Variants in NECAB3 observed in about 807,000 individuals in gnomAD.
NECAB3 encodes N-terminal EF-hand calcium binding protein 3.
Under a neutral mutation model 57.2 loss-of-function variants are expected in NECAB3, and 38 were observed. That is an observed-to-expected ratio of 0.66 (90% CI 0.51 to 0.87). The LOEUF (loss-of-function observed/expected upper bound fraction) is 0.87, where lower values mean the gene tolerates loss of function less well. Ranked by LOEUF, NECAB3 falls within the 40% of genes least tolerant of loss-of-function variation. The pLI is 0.00. For missense variants in NECAB3, 474 were observed against 527.5 expected (o/e 0.90, Z 0.99); for synonymous variants, 223 against 222.6 (o/e 1.00, Z -0.02).
In NECAB3 at chr20:33,659,938, G is replaced by A; in HGVS notation, c.590C>T (p.Ala197Val). 1 of 1,551,700 alleles carries A rather than the reference G, an allele frequency of 6.4e-7. No individual in the cohort carries two copies. The highest frequency in any genetic ancestry group is 8.7e-7 in the Non-Finnish European group (1 of 1,150,106). Reference sequence around the variant, plus strand: ...GGATGACCGGCTGACACTCCTCAGGGCTCGGCGTCCTGCCCGCCGGCTGCC... The same window carrying A: ...GGATGACCGGCTGACACTCCTCAGGACTCGGCGTCCTGCCCGCCGGCTGCC... ...LCGSRRAGRR[A>V]LRSVSRSSTW... is the part of the protein sequence containing the mutation. The change falls in exon 7 of 12, where the codon GCC becomes GTC. Residue 197 changes from alanine (A) to valine (V), a missense_variant. Ala to Val is a moderately conservative substitution (Grantham distance 64). Coordinates refer to ENST00000246190, the MANE Select transcript of NECAB3 (RefSeq NM_031232.4).
chr20:33,672,425 AGAG>A lies in NECAB3; in HGVS notation c.130-6_130-4del. Reference sequence around the variant, plus strand: ...TTCTTGTCTGCTCTGCGGAAAACCTAGAGGACAAAGGGACATAGAGAGAACTGT... The same window carrying A: ...TTCTTGTCTGCTCTGCGGAAAACCTAGACAAAGGGACATAGAGAGAACTGT... On this transcript the variant is annotated splice_polypyrimidine_tract_variant and splice_region_variant and intron_variant, in intron 1 of 11. Coordinates refer to ENST00000246190, the MANE Select transcript of NECAB3 (RefSeq NM_031232.4). 5 of 1,614,142 alleles carry A rather than the reference AGAG, an allele frequency of 3.1e-6. No individual in the cohort carries two copies. Among genetic ancestry groups the A allele is most frequent in the Non-Finnish European group, 4.2e-6 (5 of 1,180,004 alleles).
At chr20:33,664,121 C>T in intron 5 of NECAB3, 1 of 451,034 alleles carries the variant, frequency 2.2e-6, no homozygotes, top group Non-Finnish European at 3.9e-6. Context: ...AGGCAGTTTC[C>T]TTCCCCCAAC....
chr20:33,672,268 A>T, intron 2 of NECAB3, 130 bp downstream of exon 2: 1 of 1,075,900 alleles, frequency 9.3e-7, no homozygotes, highest in Non-Finnish European at 1.4e-6. Flanking sequence ...GCCTTGATTG[A>T]TTCTCCTGTT....
At position 33,659,880 on chromosome 20, in the gene NECAB3, C is replaced by T. The variant is rs759833101; in HGVS notation, c.643+5G>A. 3.2e-6 allele frequency: 5 copies of T among 1,543,314 alleles called. No individual in the cohort carries two copies. Among genetic ancestry groups the T allele is most frequent in the African/African-American group, 1.4e-5 (1 of 73,156 alleles). ...GCCAGGCCTCCCACCCCACCCCAGG[C>T]GCACCTGTGTCAGAAGAGCCGGGGG... On this transcript the variant is annotated splice_donor_5th_base_variant and intron_variant, in intron 7 of 11. Transcript: ENST00000246190.
chr20:33,675,094 T>C (rs527608385), upstream of NECAB3, among the ~76,000 whole-genome samples: 75 of 151,850 alleles, frequency 4.9e-4, no homozygotes, highest in African/African-American at 1.8e-3. Flanking sequence ...CTGCTTTCTC[T>C]CCGGTCCTCT....
intron 1 of NECAB3, among the ~76,000 whole-genome samples, chr20:33,674,005 G>A (rs1439344313): frequency 1.3e-5 from 2 of 152,206 alleles, no homozygotes; most frequent in African/African-American, 2.4e-5. Context: ...GGGCTGAGGG[G>A]TGGGAGGCAG....
At chr20:33,663,235 G>A (rs1352630700) in intron 5 of NECAB3, 1 of 478,166 alleles carries the variant, frequency 2.1e-6, no homozygotes, top group Non-Finnish European at 3.7e-6. Flanking sequence ...CCTGACATAG[G>A]GCCTGGAAGG....
upstream of NECAB3, among the ~76,000 whole-genome samples, chr20:33,675,060 C>T (rs926718080): frequency 2.6e-5 from 4 of 151,950 alleles, no homozygotes; most frequent in Non-Finnish European, 5.9e-5. Context: ...CCACTCTGAC[C>T]CTCACCTCAG....
At chr20:33,667,308 C>T in intron 5 of NECAB3, 1 of 709,740 alleles carries the variant, frequency 1.4e-6, no homozygotes, top group Non-Finnish European at 2.0e-6. Flanking sequence ...GGGCGCACCC[C>T]ATCAAGCACG....
At chr20:33,670,149 C>T (rs2017798533) in intron 3 of NECAB3, 1 of 181,974 alleles carries the variant, frequency 5.5e-6, no homozygotes, top group Non-Finnish European at 1.1e-5. Flanking sequence ...GGAGTCTGGC[C>T]AGGAGGGGAG....
At chr20:33,674,147 C>A (rs1023978812) in intron 1 of NECAB3, 77 bp downstream of exon 1, 10 of 1,210,800 alleles carry the variant, frequency 8.3e-6, no homozygotes, top group South Asian at 8.0e-5. Flanking sequence ...AGCGGCGGGG[C>A]CCGAACAACC....
chr20:33,667,847 G>A (rs1353339304), intron 5 of NECAB3: 2 of 1,609,134 alleles, frequency 1.2e-6, no homozygotes, highest in East Asian at 2.2e-5. Flanking sequence ...GTCTGCCTCA[G>A]CAGTGAGCGC....
intron 8 of NECAB3, 84 bp downstream of exon 8, chr20:33,659,413 G>T: frequency 2.4e-6 from 3 of 1,257,320 alleles, no homozygotes; most frequent in Non-Finnish European, 3.2e-6. Context: ...CAGAGGGTTG[G>T]TGGGCAACCG....
chr20:33,672,716 T>C (rs2017854314), intron 1 of NECAB3, among the ~76,000 whole-genome samples: 1 of 152,040 alleles, frequency 6.6e-6, no homozygotes, highest in Non-Finnish European at 1.5e-5. Context: ...ACACCCAGAG[T>C]GCAGCCCAAG....
intron 1 of NECAB3, among the ~76,000 whole-genome samples, chr20:33,673,957 C>G (rs1219743861): frequency 6.6e-6 from 1 of 152,068 alleles, no homozygotes; most frequent in Non-Finnish European, 1.5e-5. Flanking sequence ...CTGTGATTGT[C>G]GCCAGCCCCC....
chr20:33,668,083 C>G, intron 5 of NECAB3: 1 of 1,591,010 alleles, frequency 6.3e-7, no homozygotes, highest in Non-Finnish European at 8.6e-7. Flanking sequence ...CGCGGCCCTG[C>G]GGCCCCACCT....
In NECAB3 at chr20:33,659,577, G is replaced by A; in HGVS notation, c.799C>T (p.Pro267Ser). The A allele has an allele frequency of 1.3e-6, 2 of 1,595,014 alleles. No homozygotes were observed. Among genetic ancestry groups the A allele is most frequent in the South Asian group, 1.1e-5 (1 of 88,948 alleles). The change falls in exon 8 of 12, where the codon CCC becomes TCC. Residue 267 changes from proline (P) to serine (S), a missense_variant. Transcript: ENST00000246190. ...TGTGAGGGCACAGAGTGTGGGCCGG[G>A]CCTCCAGCATGGGCCTGGCTCTGGT... is the stretch of plus-strand genomic sequence containing the variant. Reference protein sequence around the residue: ...YPPEPGPCWRPGPHSVPSQAP... With the variant: ...YPPEPGPCWRSGPHSVPSQAP...
chr20:33,662,805 G>A, intron 5 of NECAB3: 1 of 273,190 alleles, frequency 3.7e-6, no homozygotes, highest in Admixed American at 4.9e-5. Flanking sequence ...GGTTGTGGTG[G>A]TGAATGCCCG....
intron 5 of NECAB3, chr20:33,665,689 C>T (rs900398269): frequency 3.3e-5 from 5 of 152,260 alleles, no homozygotes; most frequent in African/African-American, 1.2e-4. Flanking sequence ...AAGAAGTGAC[C>T]TCTTTCCTGT....
Sources: allele counts gnomAD v4.1 joint callset (sites outside exome capture counted in the v4.1 genomes callset), GRCh38; gene constraint gnomAD v4.1.1; transcripts MANE v1.5; gene names NCBI Gene and HGNC (gene_info 2026-07-23, HGNC 2026-07-21).